The following ZAR1L variants were observed in gnomAD, a reference collection of about 807,000 sequenced individuals.
ZAR1L encodes zygote arrest 1 like.
In ZAR1L, 16 loss-of-function variants were observed where a neutral mutation model predicts 30.0. That is an observed-to-expected ratio of 0.53 (90% confidence interval 0.36 to 0.81). The LOEUF (loss-of-function observed/expected upper bound fraction) is 0.81. ZAR1L is among the 30% of genes least tolerant of loss of function. The pLI is 0.00. For missense variants in ZAR1L, 392 were observed against 417.2 expected (o/e 0.94, Z 0.53); for synonymous variants, 197 against 166.8 (o/e 1.18, Z -1.40).
intron 4 of ZAR1L, 45 bp downstream of exon 4, chr13:32,310,594 C>T (rs373439659): frequency 3.9e-6 from 5 of 1,293,062 alleles, no homozygotes; most frequent in African/African-American, 3.0e-5. Context: ...GCTTACCATC[C>T]GTGCCCACCC....
In ZAR1L at chr13:32,303,840, G is replaced by T; in HGVS notation, c.*39C>A. 1 of 1,533,428 alleles carries T rather than the reference G, an allele frequency of 6.5e-7. No individual in the cohort carries two copies. Among genetic ancestry groups the T allele is most frequent in the Non-Finnish European group, 8.8e-7 (1 of 1,137,132 alleles). 95.0% of individuals were successfully genotyped at this position (1,533,428 alleles called of 1,614,324 possible). A position where few individuals can be genotyped will look rare whatever the true frequency, so the allele number is the denominator to read the frequency against. On this transcript the variant is annotated 3_prime_UTR_variant, in exon 6 of 6. Coordinates refer to ENST00000533490, the MANE Select transcript of ZAR1L (RefSeq NM_001136571.2). ...AGGAAGACAGCACAGTAAGTTACAA[G>T]AAGAGCTCAGGGGTCCATTACAAGT...
chr13:32,312,013 T>C lies in ZAR1L; in HGVS notation c.-88A>G. ...CCTTCCTCCTTCATCCGCCCCTTCT[T>C]TCTCTTCATCAGGTTGGTTCAGATT... On this transcript the variant is annotated 5_prime_UTR_variant, in exon 3 of 6. Transcript: ENST00000533490. 2 of 1,389,214 alleles carry C rather than the reference T, an allele frequency of 1.4e-6. No homozygotes were observed. The highest frequency in any genetic ancestry group is 3.0e-5 in the South Asian group (2 of 66,916). 86.1% of individuals were successfully genotyped at this position (1,389,214 alleles called of 1,614,324 possible).
intron 4 of ZAR1L, 55 bp downstream of exon 4, chr13:32,310,584 G>C (rs1309056881): frequency 8.3e-7 from 1 of 1,205,138 alleles, no homozygotes; most frequent in Non-Finnish European, 1.2e-6. Context: ...ATTCTTCCCC[G>C]CTTACCATCC....
chr13:32,310,601 A>AC (rs1383979196), intron 4 of ZAR1L, 38 bp downstream of exon 4: 1 of 1,362,312 alleles, frequency 7.3e-7, no homozygotes, highest in East Asian at 2.5e-5. Flanking sequence ...ATCCGTGCCC[A>AC]CCCCATCCTC....
intron 5 of ZAR1L, among the ~76,000 whole-genome samples, chr13:32,306,776 C>T (rs2072178493): frequency 6.6e-6 from 1 of 151,622 alleles, no homozygotes; most frequent in East Asian, 1.9e-4. Flanking sequence ...ACTAAAAATA[C>T]AAAAATTAGC....
At chr13:32,313,281 T>C (rs559336806) in intron 2 of ZAR1L, among the ~76,000 whole-genome samples, 1 of 152,376 alleles carries the variant, frequency 6.6e-6, no homozygotes, top group Admixed American at 6.5e-5. Flanking sequence ...TGCTTGACTA[T>C]AGTAATCATC....
chr13:32,311,669 G>C lies in ZAR1L; in HGVS notation c.257C>G (p.Pro86Arg). The C allele has an allele frequency of 1.3e-6, 2 of 1,551,534 alleles. No homozygotes were observed. Among genetic ancestry groups the C allele is most frequent in the Non-Finnish European group, 1.7e-6 (2 of 1,146,998 alleles). ...NPSLSPRLCK[P>R]NTKEVGVQVS... The stretch of plus-strand genomic sequence containing the variant: ...CTGCACGCCCACCTCCTTGGTGTTG[G>C]GCTTGCACAGCCGCGGGCTCAGGCT... The change falls in exon 3 of 6, where the codon CCC (proline) becomes CGC (arginine). Residue 86 changes from proline to arginine, a missense_variant. Transcript: ENST00000533490.
intron 3 of ZAR1L, 103 bp downstream of exon 3, chr13:32,311,169 G>A (rs1566211363): frequency 7.0e-6 from 9 of 1,281,244 alleles, no homozygotes; most frequent in Non-Finnish European, 7.3e-6. Flanking sequence ...CCAAGTACAT[G>A]GAAGAAGAGA....
In ZAR1L at chr13:32,303,994, G is replaced by C. The variant is rs1406212799; in HGVS notation, c.851C>G (p.Pro284Arg). The C allele has an allele frequency of 6.4e-7, 1 of 1,551,990 alleles. No homozygotes were observed. Among genetic ancestry groups the C allele is most frequent in the Admixed American group, 2.0e-5 (1 of 50,958 alleles). Reference sequence around the variant, plus strand: ...TAGATCAATGTGTCTCTTCTTTTGAGGACAGGAACAATGAGACTTTGAGCA... The same window carrying C: ...TAGATCAATGTGTCTCTTCTTTTGACGACAGGAACAATGAGACTTTGAGCA... ...QTCSKSHCSC[P>R]QKKRHIDLRR... Residue 284 changes from proline to arginine, a missense_variant, in exon 6 of 6, where the codon CCT (proline) becomes CGT (arginine). By Grantham distance (103) the Pro-to-Arg change is moderately radical (BLOSUM62 -2). Coordinates refer to ENST00000533490, the MANE Select transcript of ZAR1L (RefSeq NM_001136571.2).
chr13:32,313,428 A>G (rs206113), intron 2 of ZAR1L, among the ~76,000 whole-genome samples: 83,394 of 152,154 alleles, frequency 0.55, 23,165 homozygotes, highest in East Asian at 0.64. Flanking sequence ...GTGCAGTGGC[A>G]TGATTTCGGC....
Position 32,304,034 on chromosome 13 carries a change from AAAG to A in ZAR1L, c.823-15_823-13del, listed in dbSNP as rs1319102076. On this transcript the variant is annotated splice_polypyrimidine_tract_variant and intron_variant, in intron 5 of 5. Coordinates refer to ENST00000533490, the MANE Select transcript of ZAR1L (RefSeq NM_001136571.2). ...GACTTTGAGCAGGTCTTTAGGAAAC[AAAG>A]AAGAGTTTGGACGCTAAATGATCAG... 8 of 1,548,846 alleles carry A rather than the reference AAAG, an allele frequency of 5.2e-6. No homozygotes were observed. The African/African-American group carries it at 8.2e-5, about 16-fold the overall frequency.
intron 3 of ZAR1L, among the ~76,000 whole-genome samples, chr13:32,311,016 T>C (rs2072208262): frequency 6.6e-6 from 1 of 152,192 alleles, no homozygotes; most frequent in African/African-American, 2.4e-5. Context: ...GAAGCCCTTC[T>C]TCGTCTCCAA....
In ZAR1L at chr13:32,310,681, C is replaced by T. The variant is rs559041052; in HGVS notation, c.705G>A (p.Arg235=). 1.9e-5 allele frequency: 29 copies of T among 1,551,734 alleles called. No homozygotes were observed. The highest frequency in any genetic ancestry group is 1.8e-4 in the South Asian group (15 of 84,058). ...GYFHCKDCKT[R]WESAYVWCIS... ...TGCACCACACGTAAGCACTCTCCCA[C>T]CTGGTCTTACAATCTTTACAGTGGA... Residue 235 remains arginine (R), a synonymous_variant, in exon 4 of 6, where the codon AGG becomes AGA. Coordinates refer to ENST00000533490, the MANE Select transcript of ZAR1L (RefSeq NM_001136571.2).
intron 5 of ZAR1L, among the ~76,000 whole-genome samples, chr13:32,308,217 T>C (rs2072189784): frequency 6.6e-6 from 1 of 152,252 alleles, no homozygotes; most frequent in Non-Finnish European, 1.5e-5. Flanking sequence ...TGTGAATTTC[T>C]AAACATTGGA....
chr13:32,306,358 T>C (rs1225321245), intron 5 of ZAR1L, among the ~76,000 whole-genome samples: 2 of 152,062 alleles, frequency 1.3e-5, no homozygotes, highest in Non-Finnish European at 2.9e-5. Context: ...CCAAAAGTAA[T>C]GAAAATCTTT....
At chr13:32,306,661 C>T (rs954683555) in intron 5 of ZAR1L, among the ~76,000 whole-genome samples, 1 of 152,072 alleles carries the variant, frequency 6.6e-6, no homozygotes, top group Non-Finnish European at 1.5e-5. Context: ...CTGGGCGTGA[C>T]GGCTCACGCC....
At chr13:32,304,083 C>T (rs2072157620) in intron 5 of ZAR1L, 61 bp from the exon 6 acceptor site, 7 of 1,495,196 alleles carry the variant, frequency 4.7e-6, no homozygotes, top group Non-Finnish European at 6.3e-6. Context: ...CAAATGTAAC[C>T]CTCAAATCAC....
At chr13:32,308,991 CATT>C (rs2072194767) in intron 4 of ZAR1L, among the ~76,000 whole-genome samples, 2 of 124,420 alleles carry the variant, frequency 1.6e-5, no homozygotes, top group Admixed American at 8.3e-5. Context: ...AATTGGAATA[CATT>C]TTTTTTTTTT....
intron 5 of ZAR1L, among the ~76,000 whole-genome samples, chr13:32,305,880 C>A (rs1316245035): frequency 1.3e-5 from 2 of 152,136 alleles, no homozygotes; most frequent in Admixed American, 6.5e-5. Context: ...AGCACTCAAT[C>A]AAAAATAACC....
Sources: gnomAD v4.1 joint callset for allele counts (sites outside exome capture counted in the v4.1 genomes callset) on GRCh38, gnomAD v4.1.1 for gene constraint, MANE v1.5 for transcripts, NCBI Gene and HGNC (gene_info 2026-07-23, HGNC 2026-07-21) for gene names.